Variants in PAPSS1 observed in about 807,000 individuals in gnomAD.
PAPSS1 encodes the protein 3'-phosphoadenosine 5'-phosphosulfate synthase 1.
In PAPSS1, 50 loss-of-function variants were observed where a neutral mutation model predicts 72.0. The observed-to-expected ratio is 0.69, with a 90% CI of 0.55 to 0.88. The LOEUF (loss-of-function observed/expected upper bound fraction) is 0.88. Among genes scored for constraint, PAPSS1 ranks in the 40% least tolerant of loss-of-function variants. PAPSS1 has a pLI of 0.00. For missense variants in PAPSS1, 657 were observed against 782.2 expected (o/e 0.84, Z 1.91); for synonymous variants, 261 against 263.6 (o/e 0.99, Z 0.09).
chr4:107,619,022 T>C (rs1290805889), intron 11 of PAPSS1, among the ~76,000 whole-genome samples: 5 of 152,210 alleles, frequency 3.3e-5, no homozygotes, highest in Non-Finnish European at 4.4e-5. Context: ...AAAATTATGA[T>C]ACTAGAACTT....
intron 5 of PAPSS1, among the ~76,000 whole-genome samples, chr4:107,666,971 G>C (rs560193959): frequency 9.3e-4 from 141 of 152,252 alleles, no homozygotes; most frequent in African/African-American, 3.1e-3. Flanking sequence ...GTGCTGAGGA[G>C]AGGACTCTTG....
intron 3 of PAPSS1, among the ~76,000 whole-genome samples, chr4:107,687,809 T>C (rs1336245571): frequency 2.0e-5 from 3 of 152,144 alleles, no homozygotes; most frequent in African/African-American, 7.2e-5. Context: ...TCCACATTTA[T>C]ACTCCATTAA....
chr4:107,659,527 C>G (rs112889882), intron 6 of PAPSS1, among the ~76,000 whole-genome samples: 1,539 of 152,176 alleles, frequency 0.01, 28 homozygotes, highest in African/African-American at 0.034. Context: ...CTAATGATAT[C>G]ATCAGAGCTA....
intron 6 of PAPSS1, among the ~76,000 whole-genome samples, chr4:107,657,880 C>T (rs2110321351): frequency 6.6e-6 from 1 of 152,190 alleles, no homozygotes; most frequent in Non-Finnish European, 1.5e-5. Flanking sequence ...AAGACTTCAC[C>T]TTTATCTGTA....
At chr4:107,718,196 CG>C (rs1485379682) in intron 1 of PAPSS1, 2 of 152,068 alleles carry the variant, frequency 1.3e-5, no homozygotes, top group Admixed American at 1.3e-4. Flanking sequence ...GAAGAGATGA[CG>C]GGTGTTCCAT....
intron 6 of PAPSS1, among the ~76,000 whole-genome samples, chr4:107,657,616 G>A (rs1462824983): frequency 3.3e-5 from 5 of 152,068 alleles, no homozygotes; most frequent in African/African-American, 1.2e-4. Context: ...CCAGCTACAG[G>A]AGGCTGAGGC....
At chr4:107,619,111 G>A (rs1175636598) in intron 11 of PAPSS1, among the ~76,000 whole-genome samples, 1 of 152,112 alleles carries the variant, frequency 6.6e-6, no homozygotes, top group Non-Finnish European at 1.5e-5. Flanking sequence ...TGTTGTTGAA[G>A]GCAATGAAAA....
chr4:107,652,386 G>A (rs1726863400), intron 9 of PAPSS1, among the ~76,000 whole-genome samples: 1 of 152,060 alleles, frequency 6.6e-6, no homozygotes, highest in Non-Finnish European at 1.5e-5. Context: ...GTGCACCAAG[G>A]TAAGCACATC....
In PAPSS1 at chr4:107,693,753, G is replaced by C. The variant is rs183123083; in HGVS notation, c.411+18C>G. The C allele has an allele frequency of 4.2e-4, 645 of 1,550,656 alleles. No individual in the cohort carries two copies. The highest frequency in any genetic ancestry group is 5.3e-4 in the Non-Finnish European group (595 of 1,122,556). On this transcript the variant is annotated intron_variant, in intron 3 of 11. Transcript: ENST00000265174. Reference sequence around the variant, plus strand: ...CAATAAATGTAAGCAGAAAGGCAATGGCACAAAAACCACATACCTGAGTGT... The same window carrying C: ...CAATAAATGTAAGCAGAAAGGCAATCGCACAAAAACCACATACCTGAGTGT...
At chr4:107,631,212 C>T (rs1726218188) in intron 11 of PAPSS1, among the ~76,000 whole-genome samples, 1 of 152,132 alleles carries the variant, frequency 6.6e-6, no homozygotes, top group African/African-American at 2.4e-5. Flanking sequence ...GGATACACAA[C>T]CTATAAATAA....
intron 5 of PAPSS1, among the ~76,000 whole-genome samples, chr4:107,671,738 C>A (rs147080038): frequency 8.5e-5 from 13 of 152,314 alleles, no homozygotes; most frequent in African/African-American, 3.1e-4. Context: ...ACAATCTACA[C>A]ACATCTTCCC....
intron 5 of PAPSS1, among the ~76,000 whole-genome samples, chr4:107,668,397 G>A (rs1376277433): frequency 6.6e-6 from 1 of 152,154 alleles, no homozygotes; most frequent in Non-Finnish European, 1.5e-5. Context: ...TGCCTGTGAT[G>A]GTTAATACTG....
At position 107,719,927 on chromosome 4, in the gene PAPSS1, C is replaced by T. The variant is rs938654702; in HGVS notation, c.60+193G>A. Reference sequence around the variant, plus strand: ...CGCTGCGCCAAGCTAGGGCGAGATCCCCACCCTGCGCCGCGCCCCTCTGCC... The same window carrying T: ...CGCTGCGCCAAGCTAGGGCGAGATCTCCACCCTGCGCCGCGCCCCTCTGCC... On this transcript the variant is annotated intron_variant, in intron 1 of 11. Coordinates refer to ENST00000265174, the MANE Select transcript of PAPSS1 (RefSeq NM_005443.5). The T allele has an allele frequency of 8.7e-6, 12 of 1,377,296 alleles. No homozygotes were observed. In the African/African-American group the frequency reaches 1.7e-4, roughly 19 times the overall value. The allele number at this position is 1,377,296 out of a possible 1,614,324, so 85.3% of individuals were successfully genotyped here.
chr4:107,679,358 A>C (rs935224649), intron 5 of PAPSS1, among the ~76,000 whole-genome samples: 9 of 152,280 alleles, frequency 5.9e-5, no homozygotes, highest in African/African-American at 1.9e-4. Context: ...CACTAAGTAC[A>C]AGGTAAAAGA....
chr4:107,653,902 G>A (rs1038783789), intron 8 of PAPSS1, among the ~76,000 whole-genome samples: 6 of 152,084 alleles, frequency 3.9e-5, no homozygotes, highest in South Asian at 2.1e-4. Context: ...CATTCTTTTC[G>A]TTATTATCAT....
At chr4:107,667,533 G>A (rs1727352153) in intron 5 of PAPSS1, among the ~76,000 whole-genome samples, 1 of 151,442 alleles carries the variant, frequency 6.6e-6, no homozygotes, top group Non-Finnish European at 1.5e-5. Context: ...TGTGAGGTCT[G>A]AACTAACTCC....
chr4:107,646,237 T>A (rs1726688230), intron 9 of PAPSS1, among the ~76,000 whole-genome samples: 1 of 151,804 alleles, frequency 6.6e-6, no homozygotes, highest in African/African-American at 2.4e-5. Flanking sequence ...CAAATTTGGT[T>A]TTACATATGG....
At position 107,639,030 on chromosome 4, in the gene PAPSS1, G is replaced by A. The variant is rs77288758; in HGVS notation, c.1506+5772C>T. Among the ~76,000 whole-genome samples, 915 of 152,244 alleles carry A rather than the reference G, an allele frequency of 6.0e-3. 8 individuals carry two copies. The highest frequency in any genetic ancestry group is 0.019 in the African/African-American group (809 of 41,518). ...ACTGACGCTGTGTCAAGGACATTTA[G>A]GGAGGAAACTGTATAGATTACCTAG... On this transcript the variant is annotated intron_variant, in intron 10 of 11. Coordinates refer to ENST00000265174, the MANE Select transcript of PAPSS1 (RefSeq NM_005443.5).
intron 1 of PAPSS1, among the ~76,000 whole-genome samples, chr4:107,717,686 C>T (rs1723673329): frequency 6.6e-6 from 1 of 152,198 alleles, no homozygotes; most frequent in Non-Finnish European, 1.5e-5. Context: ...CTGTTCCTGG[C>T]ACACACTAAA....
Sources: gnomAD v4.1 joint callset for allele counts (sites outside exome capture counted in the v4.1 genomes callset) on GRCh38, gnomAD v4.1.1 for gene constraint, MANE v1.5 for transcripts, NCBI Gene and HGNC (gene_info 2026-07-23, HGNC 2026-07-21) for gene names.